The following RIN1 variants were observed in gnomAD, a reference collection of about 807,000 sequenced individuals.
The protein encoded by RIN1 is ras inhibitor 1.
A neutral mutation model predicts 64.9 loss-of-function variants in RIN1; 52 were observed. The observed-to-expected ratio is 0.80, with a 90% CI of 0.64 to 1.01. The LOEUF is 1.01. RIN1 is among the 50% of genes least tolerant of loss of function. The pLI is 0.00. For missense variants in RIN1, 1,040 were observed against 1,064.5 expected (o/e 0.98, Z 0.32); for synonymous variants, 486 against 483.6 (o/e 1.00, Z -0.06).
chr11:66,333,008 G>A, intron 9 of RIN1: 1 of 605,198 alleles, frequency 1.7e-6, no homozygotes, highest in Non-Finnish European at 2.9e-6. Flanking sequence ...TGTGCCCCAA[G>A]CACTCTCCTG....
chr11:66,334,267 TG>T lies in RIN1; in HGVS notation c.1286-44del, dbSNP rs758310543. The T allele has an allele frequency of 2.3e-4, 66 of 282,108 alleles. No individual in the cohort carries two copies. In the African/African-American group the frequency reaches 4.0e-3, roughly 17 times the overall value. The allele number at this position is 282,108 out of a possible 1,614,324, so 17.5% of individuals were successfully genotyped here. ...AGGGGTCAGGGGAAGACTGGGGGTA[TG>T]GGGGGCAGAGGCAAGGGGAGAAGGG... On this transcript the variant is annotated intron_variant, in intron 6 of 9. Transcript: ENST00000311320.
intron 6 of RIN1, 137 bp from the exon 7 acceptor site, chr11:66,334,361 GTT>G: frequency 8.0e-7 from 1 of 1,246,414 alleles, no homozygotes; most frequent in Non-Finnish European, 1.1e-6. Context: ...AGACGGAAGA[GTT>G]GGGGGAGAGA....
rs781075604 is a variant in RIN1 at position 66,333,512 on chromosome 11, G to T, written c.1723+15C>A. On this transcript the variant is annotated intron_variant, in intron 8 of 9. Transcript: ENST00000311320. ...AGGGCCCACCCAGACAGGGAGGTGG[G>T]TGGGGGTCCCTCACCCTCTCCAGTA... 36 of 1,612,420 alleles carry T rather than the reference G, an allele frequency of 2.2e-5. No homozygotes were observed. Among genetic ancestry groups the T allele is most frequent in the Admixed American group, 5.0e-5 (3 of 59,812 alleles).
intron 7 of RIN1, 106 bp from the exon 8 acceptor site, chr11:66,333,764 G>A (rs1219802507): frequency 1.2e-5 from 17 of 1,463,162 alleles, no homozygotes; most frequent in African/African-American, 1.1e-4. Context: ...GAAAGGATGC[G>A]CTCCTCTCTA....
At position 66,334,070 on chromosome 11, in the gene RIN1, G is replaced by A. The variant is rs760861873; in HGVS notation, c.1440C>T (p.Phe480=). 4 of 1,570,392 alleles carry A rather than the reference G, an allele frequency of 2.5e-6. No homozygotes were observed. In the South Asian group the frequency reaches 3.5e-5, roughly 14 times the overall value. ...RLARAQGPGA[F]GSHLSLPSPV... ...GGGAGGGCAGGCTCAGGTGGGACCC[G>A]AAGGCTCCGGGGCCCTGGGCCCGGG... The change falls in exon 7 of 10, where the codon TTC becomes TTT. Residue 480 remains phenylalanine (F), a synonymous_variant. Transcript: ENST00000311320.
chr11:66,332,794 T>A (rs984569632), intron 9 of RIN1, 42 bp from the exon 10 acceptor site: 2 of 1,409,872 alleles, frequency 1.4e-6, no homozygotes, highest in African/African-American at 2.9e-5. Flanking sequence ...CAGCCCCGGC[T>A]GGCATGCATC....
At position 66,334,802 on chromosome 11, in the gene RIN1, T is replaced by TC. The variant is rs1385578826; in HGVS notation, c.996dup (p.Ser333GlufsTer88). The TC allele has an allele frequency of 8.4e-6, 13 of 1,547,052 alleles. No individual in the cohort carries two copies. Among genetic ancestry groups the TC allele is most frequent in the Non-Finnish European group, 1.1e-5 (13 of 1,145,302 alleles). ...CCCAGGTGGGGTGAGGTCGCTGGGCTCCCCCGGGACCCTGGCACCCCCTCC... is the reference window on the plus strand; with the variant it reads ...CCCAGGTGGGGTGAGGTCGCTGGGCTCCCCCCGGGACCCTGGCACCCCCTCC... On this transcript the variant is annotated frameshift_variant, in exon 6 of 10. Transcript: ENST00000311320. LOFTEE classifies it high-confidence loss of function.
At position 66,332,577 on chromosome 11, in the gene RIN1, A is replaced by G. The variant is rs370072639; in HGVS notation, c.2051T>C (p.Leu684Pro). 8 of 1,611,730 alleles carry G rather than the reference A, an allele frequency of 5.0e-6. No homozygotes were observed. Among genetic ancestry groups the G allele is most frequent in the Non-Finnish European group, 6.8e-6 (8 of 1,178,604 alleles). Residue 684 changes from leucine to proline, a missense_variant, in exon 10 of 10, where the codon CTG (leucine) becomes CCG (proline). Physicochemically the swap from Leu to Pro is moderately conservative, Grantham distance 98 (BLOSUM62 -3). Coordinates refer to ENST00000311320, the MANE Select transcript of RIN1 (RefSeq NM_004292.3). ...FLYKEQGYHRLPPGALAHRLP... is the reference protein window; with the variant it reads ...FLYKEQGYHRPPPGALAHRLP... ...CCTGTGGGCCAGGGCCCCAGGGGGCAGGCGGTGGTAGCCCTGCTCCTTGTA... is the reference window on the plus strand; with the variant it reads ...CCTGTGGGCCAGGGCCCCAGGGGGCGGGCGGTGGTAGCCCTGCTCCTTGTA...
upstream of RIN1, chr11:66,336,518 TTG>T (rs752813335): frequency 4.0e-4 from 342 of 859,120 alleles, no homozygotes; most frequent in Non-Finnish European, 5.9e-4. Flanking sequence ...CAGTTAACTC[TTG>T]TGTGTCCACC....
intron 9 of RIN1, 116 bp from the exon 10 acceptor site, chr11:66,332,868 C>A: frequency 1.1e-5 from 9 of 823,520 alleles, no homozygotes; most frequent in Non-Finnish European, 1.7e-5. Context: ...AGGTGGAGAT[C>A]CAGTGGGAGA....
chr11:66,334,798 G>T lies in RIN1; in HGVS notation c.1001C>A (p.Pro334Gln). The T allele has an allele frequency of 6.5e-7, 1 of 1,547,564 alleles. No individual in the cohort carries two copies. ...EEGVPGSRGS[P>Q]ATSPHLGRRR... is the part of the protein sequence containing the mutation. ...GCGGCCCAGGTGGGGTGAGGTCGCT[G>T]GGCTCCCCCGGGACCCTGGCACCCC... The change falls in exon 6 of 10, where the codon CCA (proline) becomes CAA (glutamine). Residue 334 changes from proline to glutamine, a missense_variant. Physicochemically the swap from Pro to Gln is moderately conservative, Grantham distance 76. Transcript: ENST00000311320.
rs972030190 is a variant in RIN1 at position 66,333,961 on chromosome 11, G to A, written c.1549C>T (p.Gln517Ter). ...GCCATGTAGAGCAGCTTGCAGGCCTGCAGGAGCCGCTTGACCTGGGCGCTG... is the reference window on the plus strand; with the variant it reads ...GCCATGTAGAGCAGCTTGCAGGCCTACAGGAGCCGCTTGACCTGGGCGCTG... ...SPSAQVKRLL[Q>*]ACKLLYMALR... The change falls in exon 7 of 10, where the codon CAG becomes TAG. Residue 517 changes from glutamine (Q) to a stop codon, truncating the protein, a stop_gained. Coordinates refer to ENST00000311320, the MANE Select transcript of RIN1 (RefSeq NM_004292.3). LOFTEE classifies it high-confidence loss of function. The A allele has an allele frequency of 5.1e-6, 8 of 1,556,606 alleles. No individual in the cohort carries two copies. Among genetic ancestry groups the A allele is most frequent in the African/African-American group, 1.4e-5 (1 of 73,710 alleles).
In RIN1 at chr11:66,335,133, C is replaced by T. The variant is rs1854849949; in HGVS notation, c.666G>A (p.Leu222=). The T allele has an allele frequency of 6.5e-7, 1 of 1,540,954 alleles. No homozygotes were observed. Among genetic ancestry groups the T allele is most frequent in the South Asian group, 1.2e-5 (1 of 80,442 alleles). The change falls in exon 6 of 10, where the codon TTG becomes TTA. Residue 222 remains leucine, a synonymous_variant. Transcript: ENST00000311320. ...QELDQGTGAA[L]CFFNPLFPGD... ...CCGGGAACAGGGGGTTGAAGAAGCA[C>T]AAGGCGGCTCCGGTGCCCTGGTCCA...
Position 66,334,650 on chromosome 11 carries a change from C to G in RIN1, c.1149G>C (p.Val383=). The G allele has an allele frequency of 6.4e-7, 1 of 1,569,028 alleles. No individual in the cohort carries two copies. ...QDRHTAAGQL[V]QDLLTQVRAG... Reference sequence around the variant, plus strand: ...CCCGCACCTGGGTCAGTAGGTCCTGCACCAGCTGGCCCGCGGCTGTGTGTC... The same window carrying G: ...CCCGCACCTGGGTCAGTAGGTCCTGGACCAGCTGGCCCGCGGCTGTGTGTC... Residue 383 remains valine, a synonymous_variant, in exon 6 of 10, where the codon GTG becomes GTC. Transcript: ENST00000311320.
chr11:66,334,403 G>T, intron 6 of RIN1, 111 bp downstream of exon 6: 1 of 1,437,024 alleles, frequency 7.0e-7, no homozygotes, highest in Non-Finnish European at 9.5e-7. Flanking sequence ...ACAGTGGTAA[G>T]ACAAGATGGA....
Position 66,335,000 on chromosome 11 carries a change from C to G in RIN1, c.799G>C (p.Val267Leu), listed in dbSNP as rs542508252. The G allele has an allele frequency of 8.4e-6, 13 of 1,544,400 alleles. No individual in the cohort carries two copies. In the African/African-American group the frequency reaches 1.6e-4, roughly 20 times the overall value. ...GGGACTGCCCCTGGCAGCACGGGGA[C>G]GGGGGGAGGTGGCACGGCAGGTGGA... ...LSPPAVPPPP[V>L]PVLPGAVPSQ... Residue 267 changes from valine (V) to leucine (L), a missense_variant, in exon 6 of 10, where the codon GTC becomes CTC. Coordinates refer to ENST00000311320, the MANE Select transcript of RIN1 (RefSeq NM_004292.3).
At chr11:66,334,399 G>GT in intron 6 of RIN1, 115 bp downstream of exon 6, 1 of 1,419,018 alleles carries the variant, frequency 7.0e-7, no homozygotes, top group Non-Finnish European at 9.6e-7. Flanking sequence ...TCGAACAGTG[G>GT]TAAGACAAGA....
rs780956718 is a variant in RIN1 at position 66,334,100 on chromosome 11, G to T, written c.1410C>A (p.Arg470=). ...CTCCGGGGCCCTGGGCCCGGGCCAG[G>T]CGGAGGCCCTCAGCTAGGCGGCCCA... ...GSLGRLAEGL[R]LARAQGPGAF... Residue 470 remains arginine (R), a synonymous_variant, in exon 7 of 10, where the codon CGC becomes CGA. Transcript: ENST00000311320. The T allele has an allele frequency of 1.2e-5, 18 of 1,558,732 alleles. No individual in the cohort carries two copies. The South Asian group carries it at 2.1e-4, about 18-fold the overall frequency.
At position 66,331,151 on chromosome 11, in the gene RIN1, C is replaced by T. The variant is rs1854727956; in HGVS notation, c.*1125G>A. 6.6e-6 allele frequency: 1 copy of T among 152,520 alleles called. No individual in the cohort carries two copies. The highest frequency in any genetic ancestry group is 1.5e-5 in the Non-Finnish European group (1 of 68,234). 9.4% of individuals were successfully genotyped at this position (152,520 alleles called of 1,614,324 possible). On this transcript the variant is annotated 3_prime_UTR_variant, in exon 10 of 10. Coordinates refer to ENST00000311320, the MANE Select transcript of RIN1 (RefSeq NM_004292.3). ...ACACCCCCTCGTGGTTGGTGGTCGGCACTTTTCCTTGTTTGGATTTGCTGC... is the reference window on the plus strand; with the variant it reads ...ACACCCCCTCGTGGTTGGTGGTCGGTACTTTTCCTTGTTTGGATTTGCTGC...
Sources: allele counts gnomAD v4.1 joint callset, GRCh38; gene constraint gnomAD v4.1.1; transcripts MANE v1.5; gene names NCBI Gene and HGNC (gene_info 2026-07-23, HGNC 2026-07-21).